RASSF9: variants seen among roughly 807,000 people sequenced by gnomAD.
RASSF9 encodes Ras association domain family member 9.
RASSF9 carries 18 observed loss-of-function variants against 21.4 expected under a neutral mutation model. That is an observed-to-expected ratio of 0.84 (90% CI 0.58 to 1.25). The LOEUF is 1.25. Ranked by LOEUF, RASSF9 falls within the 50% of genes most tolerant of loss-of-function variation. The probability of loss-of-function intolerance (pLI) is 0.00; values close to 1 mark genes in which losing one functional copy is unlikely to be tolerated. For missense variants in RASSF9, 480 were observed against 503.2 expected, an observed-to-expected ratio of 0.95 and a Z score of 0.44; for synonymous variants, 183 against 179.1, an observed-to-expected ratio of 1.02 and a Z score of -0.18.
chr12:85,807,555 C>T (rs148788420), intron 1 of RASSF9, among the ~76,000 whole-genome samples: 44 of 152,026 alleles, frequency 2.9e-4, no homozygotes, highest in African/African-American at 1.0e-3. Context: ...TGATGATTTC[C>T]TGGACTAGAG....
intron 1 of RASSF9, among the ~76,000 whole-genome samples, chr12:85,811,349 T>C (rs1380723531): frequency 6.6e-6 from 1 of 151,828 alleles, no homozygotes; most frequent in Non-Finnish European, 1.5e-5. Context: ...CCTCACTAGA[T>C]ACTCTGGAAG....
At chr12:85,817,230 A>G (rs1471193552) in intron 1 of RASSF9, among the ~76,000 whole-genome samples, 1 of 152,096 alleles carries the variant, frequency 6.6e-6, no homozygotes, top group Non-Finnish European at 1.5e-5. Context: ...TGAAGTTTAA[A>G]GTGTTTTAAG....
At chr12:85,832,168 A>G (rs1459230309) in intron 1 of RASSF9, among the ~76,000 whole-genome samples, 1 of 151,920 alleles carries the variant, frequency 6.6e-6, no homozygotes. Context: ...AATAATTTTA[A>G]GTGCCCTTTA....
Position 85,805,288 on chromosome 12 carries a change from C to G in RASSF9, c.722G>C (p.Ser241Thr), listed in dbSNP as rs551282123. Reference protein sequence around the residue: ...VQDAYLMPSFSEVEQNLDLQY... With the variant: ...VQDAYLMPSFTEVEQNLDLQY... ...CAAGTCTAGATTTTGCTCAACTTCA[C>G]TGAAACTGGGCATTAAATATGCATC... The change falls in exon 2 of 2, where the codon AGT (serine) becomes ACT (threonine). Residue 241 changes from serine (S) to threonine (T), a missense_variant. By Grantham distance (58) the Ser-to-Thr change is moderately conservative (BLOSUM62 1). Coordinates refer to ENST00000361228, the MANE Select transcript of RASSF9 (RefSeq NM_005447.4). 25 of 1,613,586 alleles carry G rather than the reference C, an allele frequency of 1.5e-5. No homozygotes were observed. In the South Asian group the frequency reaches 2.4e-4, roughly 16 times the overall value.
At chr12:85,826,789 A>G (rs999056541) in intron 1 of RASSF9, among the ~76,000 whole-genome samples, 3 of 152,156 alleles carry the variant, frequency 2.0e-5, no homozygotes, top group African/African-American at 7.2e-5. Context: ...TTTAATATTT[A>G]TGTGACATAA....
At position 85,804,814 on chromosome 12, in the gene RASSF9, T is replaced by C. The variant is rs1235348782; in HGVS notation, c.1196A>G (p.Gln399Arg). Residue 399 changes from glutamine to arginine, a missense_variant, in exon 2 of 2, where the codon CAA (glutamine) becomes CGA (arginine). Gln to Arg is a conservative substitution (Grantham distance 43). Coordinates refer to ENST00000361228, the MANE Select transcript of RASSF9 (RefSeq NM_005447.4). The part of the protein sequence containing the change: ...SSNGEIPPFT[Q>R]RVFSNYTNDT... ...ATTTGTGTAATTGCTAAATACTCTT[T>C]GAGTAAAGGGAGGAATCTCCCCATT... 3 of 1,613,284 alleles carry C rather than the reference T, an allele frequency of 1.9e-6. No individual in the cohort carries two copies. The highest frequency in any genetic ancestry group is 2.7e-5 in the African/African-American group (2 of 74,920).
intron 1 of RASSF9, among the ~76,000 whole-genome samples, chr12:85,813,647 A>C (rs117403783): frequency 0.013 from 1,999 of 152,010 alleles, 18 homozygotes; most frequent in Middle Eastern, 0.027. Flanking sequence ...CTGGAAAATC[A>C]ATCAAAGAGC....
rs369477469 is a variant in RASSF9 at position 85,836,372 on chromosome 12, T to C, written c.-171A>G. On this transcript the variant is annotated 5_prime_UTR_variant, in exon 1 of 2. Coordinates refer to ENST00000361228, the MANE Select transcript of RASSF9 (RefSeq NM_005447.4). ...CGGCTGAGAAAGTTGCTGGAAGTTG[T>C]GCAACTGCTGCTTAACTTTGAACTG... The C allele has an allele frequency of 8.0e-6, 11 of 1,375,422 alleles. 1 individual carries two copies. In the African/African-American group the frequency reaches 1.6e-4, roughly 20 times the overall value. The allele number at this position is 1,375,422 out of a possible 1,614,324, so 85.2% of individuals were successfully genotyped here. A position where few individuals can be genotyped will look rare whatever the true frequency, so the allele number is the denominator to read the frequency against.
chr12:85,812,558 T>G (rs1879976104), intron 1 of RASSF9, among the ~76,000 whole-genome samples: 1 of 151,278 alleles, frequency 6.6e-6, no homozygotes, highest in African/African-American at 2.4e-5. Context: ...ATCTTAGTTT[T>G]TACTATCAGA....
At chr12:85,836,112 C>CAG (rs1414920304) in intron 1 of RASSF9, 43 bp downstream of exon 1, 1 of 1,550,906 alleles carries the variant, frequency 6.4e-7, no homozygotes, top group East Asian at 2.4e-5. Flanking sequence ...GACACACACA[C>CAG]ACACAGAGAC....
intron 1 of RASSF9, among the ~76,000 whole-genome samples, chr12:85,829,198 G>A (rs779629435): frequency 2.6e-4 from 39 of 152,038 alleles, no homozygotes; most frequent in African/African-American, 9.2e-4. Context: ...GCACCAGAGG[G>A]CATATCAATA....
intron 1 of RASSF9, among the ~76,000 whole-genome samples, chr12:85,814,918 C>T (rs1404347682): frequency 6.6e-6 from 1 of 151,948 alleles, no homozygotes; most frequent in Non-Finnish European, 1.5e-5. Context: ...ATGACATACT[C>T]AGAATGGTGG....
chr12:85,832,973 G>A (rs562476016), intron 1 of RASSF9, among the ~76,000 whole-genome samples: 1 of 151,796 alleles, frequency 6.6e-6, no homozygotes, highest in Non-Finnish European at 1.5e-5. Context: ...ATGAAAGTTT[G>A]AAATGAAAAG....
chr12:85,827,508 G>T (rs1264108025), intron 1 of RASSF9, among the ~76,000 whole-genome samples: 2 of 152,012 alleles, frequency 1.3e-5, no homozygotes, highest in Admixed American at 1.3e-4. Flanking sequence ...AATTCCCCTG[G>T]TTAACACCCT....
chr12:85,826,058 G>C (rs892615473), intron 1 of RASSF9, among the ~76,000 whole-genome samples: 1 of 152,108 alleles, frequency 6.6e-6, no homozygotes, highest in African/African-American at 2.4e-5. Context: ...GATGAGAGTG[G>C]GTTGGATGAA....
At chr12:85,825,645 G>A (rs989747349) in intron 1 of RASSF9, among the ~76,000 whole-genome samples, 9 of 152,004 alleles carry the variant, frequency 5.9e-5, no homozygotes, top group Non-Finnish European at 1.2e-4. Flanking sequence ...GACAACTCTT[G>A]TCCTAGATAA....
In RASSF9 at chr12:85,801,525, T is replaced by C. The variant is rs1453922437; in HGVS notation, c.*3177A>G. ...AGATGATAAAGTAATTTAATAAGAATTCATTGGTCGGGCACGGTGGCTCAC... is the reference window on the plus strand; with the variant it reads ...AGATGATAAAGTAATTTAATAAGAACTCATTGGTCGGGCACGGTGGCTCAC... On this transcript the variant is annotated 3_prime_UTR_variant, in exon 2 of 2. Coordinates refer to ENST00000361228, the MANE Select transcript of RASSF9 (RefSeq NM_005447.4). 6.6e-6 allele frequency: 1 copy of C among 152,068 alleles called. No individual in the cohort carries two copies. Among genetic ancestry groups the C allele is most frequent in the Non-Finnish European group, 1.5e-5 (1 of 68,038 alleles). 9.4% of individuals were successfully genotyped at this position (152,068 alleles called of 1,614,324 possible). A position where few individuals can be genotyped will look rare whatever the true frequency, so the allele number is the denominator to read the frequency against.
In RASSF9 at chr12:85,804,417, G is replaced by T. The variant is rs144808523; in HGVS notation, c.*285C>A. 73 of 304,442 alleles carry T rather than the reference G, an allele frequency of 2.4e-4. No individual in the cohort carries two copies. The highest frequency in any genetic ancestry group is 9.7e-4 in the Middle Eastern group (1 of 1,032). 18.9% of individuals were successfully genotyped at this position (304,442 alleles called of 1,614,324 possible). Reference sequence around the variant, plus strand: ...TTTATGTAAATCGTTTTCCACAGACGCTAAGGAAGATTATCATATGATTCC... The same window carrying T: ...TTTATGTAAATCGTTTTCCACAGACTCTAAGGAAGATTATCATATGATTCC... On this transcript the variant is annotated 3_prime_UTR_variant, in exon 2 of 2. Coordinates refer to ENST00000361228, the MANE Select transcript of RASSF9 (RefSeq NM_005447.4).
chr12:85,817,193 T>C (rs1442484760), intron 1 of RASSF9, among the ~76,000 whole-genome samples: 1 of 152,124 alleles, frequency 6.6e-6, no homozygotes, highest in Non-Finnish European at 1.5e-5. Flanking sequence ...TGTATTTGAG[T>C]TTGCAAACCC....
Sources: allele counts gnomAD v4.1 joint callset (sites outside exome capture counted in the v4.1 genomes callset), GRCh38; gene constraint gnomAD v4.1.1; transcripts MANE v1.5; gene names NCBI Gene and HGNC (gene_info 2026-07-23, HGNC 2026-07-21).